HDHD5: variants seen among roughly 807,000 people sequenced by gnomAD.
The protein encoded by HDHD5 is haloacid dehalogenase like hydrolase domain containing 5, also known as haloacid dehalogenase-like hydrolase domain-containing 5.
Under a neutral mutation model 35.5 loss-of-function variants are expected in HDHD5, and 34 were observed. The ratio of observed to expected loss-of-function variants is 0.96; its 90% CI spans 0.73 to 1.28. The LOEUF is 1.28. Among genes scored for constraint, HDHD5 ranks in the 50% most tolerant of loss-of-function variants. HDHD5 has a pLI of 0.00. For missense variants in HDHD5, 589 were observed against 560.2 expected, an observed-to-expected ratio of 1.05 and a Z score of -0.52; for synonymous variants, 248 against 240.6, an observed-to-expected ratio of 1.03 and a Z score of -0.29.
intron 5 of HDHD5, chr22:17,141,548 C>A (rs1046678686): frequency 5.1e-6 from 6 of 1,170,688 alleles, no homozygotes; most frequent in Non-Finnish European, 4.2e-6. Context: ...GACTCTGCCA[C>A]CACATTCTCC....
In HDHD5 at chr22:17,145,124, C is replaced by T; in HGVS notation, c.444-7G>A. The T allele has an allele frequency of 6.2e-7, 1 of 1,614,048 alleles. No individual in the cohort carries two copies. The highest frequency in any genetic ancestry group is 8.5e-7 in the Non-Finnish European group (1 of 1,180,002). ...GACATTTCGGAAGCCCAGTCTGGAG[C>T]AAGCTCAGGAAGTAATGCTGGACAG... On this transcript the variant is annotated splice_polypyrimidine_tract_variant and splice_region_variant and intron_variant, in intron 3 of 7. Coordinates refer to ENST00000336737, the MANE Select transcript of HDHD5 (RefSeq NM_033070.3).
chr22:17,148,593 G>A (rs2061692017), intron 2 of HDHD5, 33 bp from the exon 3 acceptor site: 1 of 1,500,722 alleles, frequency 6.7e-7, no homozygotes, highest in Admixed American at 1.7e-5. Flanking sequence ...GGAGGGCAGA[G>A]GAAGACAGAA....
intron 1 of HDHD5, among the ~76,000 whole-genome samples, chr22:17,152,946 G>T (rs2061745302): frequency 6.6e-6 from 1 of 152,066 alleles, no homozygotes; most frequent in Non-Finnish European, 1.5e-5. Flanking sequence ...CAGGAGGAGG[G>T]CAGGGACCCT....
At chr22:17,145,250 G>T (rs771356381) in intron 3 of HDHD5, 133 bp from the exon 4 acceptor site, 1 of 1,455,066 alleles carries the variant, frequency 6.9e-7, no homozygotes, top group Non-Finnish European at 9.2e-7. Context: ...GCAGAGCCCA[G>T]CAAGGATGGC....
At chr22:17,138,458 G>A (rs1179063741) in intron 7 of HDHD5, 92 bp downstream of exon 7, 19 of 1,540,634 alleles carry the variant, frequency 1.2e-5, no homozygotes, top group Non-Finnish European at 1.5e-5. Flanking sequence ...GCAGAAGAGT[G>A]AATTAGATAT....
At chr22:17,152,779 G>A (rs3788269) in intron 1 of HDHD5, among the ~76,000 whole-genome samples, 9,464 of 152,012 alleles carry the variant, frequency 0.062, 536 homozygotes, top group African/African-American at 0.14. Context: ...GGTATGTCTC[G>A]GGTCCAGTAA....
intron 4 of HDHD5, among the ~76,000 whole-genome samples, chr22:17,144,223 A>G (rs922924519): frequency 6.6e-6 from 1 of 151,764 alleles, no homozygotes; most frequent in Non-Finnish European, 1.5e-5. Context: ...TACAGAGAGG[A>G]CAGGGCATAA....
intron 4 of HDHD5, 43 bp from the exon 5 acceptor site, chr22:17,143,174 C>A: frequency 6.3e-7 from 1 of 1,597,388 alleles, no homozygotes; most frequent in Non-Finnish European, 8.5e-7. Context: ...AAGTCGCCTT[C>A]CACTCCAGGA....
intron 1 of HDHD5, among the ~76,000 whole-genome samples, chr22:17,151,823 A>G (rs1376560133): frequency 1.3e-5 from 2 of 152,170 alleles, no homozygotes; most frequent in Non-Finnish European, 2.9e-5. Flanking sequence ...AAGGTGACAG[A>G]GCAAGCAACC....
intron 3 of HDHD5, among the ~76,000 whole-genome samples, chr22:17,148,124 G>C (rs1217280739): frequency 1.3e-5 from 2 of 152,208 alleles, no homozygotes; most frequent in Non-Finnish European, 2.9e-5. Context: ...GAACCACTAA[G>C]AGAGGTGTTT....
At chr22:17,145,371 C>T (rs913500196) in intron 3 of HDHD5, among the ~76,000 whole-genome samples, 1 of 152,214 alleles carries the variant, frequency 6.6e-6, no homozygotes, top group African/African-American at 2.4e-5. Context: ...CTACCAGGTC[C>T]TATGCTGGGC....
chr22:17,142,958 C>T, intron 5 of HDHD5, 140 bp downstream of exon 5: 2 of 795,622 alleles, frequency 2.5e-6, no homozygotes, highest in Non-Finnish European at 4.0e-6. Flanking sequence ...AGTGGCAGAT[C>T]CAGACCAGAG....
At chr22:17,141,451 A>C in intron 5 of HDHD5, 2 of 1,355,830 alleles carry the variant, frequency 1.5e-6, no homozygotes, top group Non-Finnish European at 1.9e-6. Flanking sequence ...GAGGGCTCCC[A>C]TTCTGACTTC....
At chr22:17,153,672 G>A (rs1041711450) in intron 1 of HDHD5, among the ~76,000 whole-genome samples, 1 of 152,100 alleles carries the variant, frequency 6.6e-6, no homozygotes, top group African/African-American at 2.4e-5. Flanking sequence ...TTCTTCTCAA[G>A]GAGAATCACT....
chr22:17,148,566 G>C lies in HDHD5; in HGVS notation c.331-6C>G, dbSNP rs768045571. 2 of 1,606,050 alleles carry C rather than the reference G, an allele frequency of 1.2e-6. No individual in the cohort carries two copies. The highest frequency in any genetic ancestry group is 4.5e-5 in the East Asian group (2 of 44,834). ...ATAACTTGGTCTGCATCCACCTGTA[G>C]GGACAGCCAAGACAGGGGAGGGCAG... On this transcript the variant is annotated splice_region_variant and splice_polypyrimidine_tract_variant and intron_variant, in intron 2 of 7. Transcript: ENST00000336737.
upstream of HDHD5, chr22:17,159,696 G>A (rs1446918041): frequency 1.6e-5 from 5 of 303,850 alleles, no homozygotes; most frequent in African/African-American, 9.4e-5. Context: ...GCCAGTCAAG[G>A]GACGCTCGTC....
rs370492318 is a variant in HDHD5, at chr22:17,145,621, G to A, written c.444-504C>T. ...GCAGGAGGATCATTTGAGCCCAGGA[G>A]GTCAAGGCTACAGTGAGCTATGATT... On this transcript the variant is annotated intron_variant, in intron 3 of 7. Transcript: ENST00000336737. Among the ~76,000 whole-genome samples, 10 of 152,268 alleles carry A rather than the reference G, an allele frequency of 6.6e-5. No individual in the cohort carries two copies. In the East Asian group the frequency reaches 1.9e-3, roughly 29 times the overall value.
At chr22:17,159,381 CG>C (rs1477155664), upstream of HDHD5, 34 of 1,091,360 alleles carry the variant, frequency 3.1e-5, no homozygotes, top group Non-Finnish European at 4.0e-5. Context: ...GCGCGGAGCC[CG>C]TCGGGCGCCT....
At chr22:17,158,365 T>C (rs1484442323) in intron 1 of HDHD5, 1 of 151,776 alleles carries the variant, frequency 6.6e-6, no homozygotes, top group African/African-American at 2.4e-5. Flanking sequence ...TAATGTAAAA[T>C]ATTACTTGTG....
Sources: gnomAD v4.1 joint callset for allele counts (sites outside exome capture counted in the v4.1 genomes callset) on GRCh38, gnomAD v4.1.1 for gene constraint, MANE v1.5 for transcripts, NCBI Gene and HGNC (gene_info 2026-07-23, HGNC 2026-07-21) for gene names.